Variants in COP1 observed in about 807,000 individuals in gnomAD.
COP1 encodes E3 ubiquitin-protein ligase COP1.
In COP1, 24 loss-of-function variants were observed where a neutral mutation model predicts 101.3. That is an observed-to-expected ratio of 0.24 (90% CI 0.17 to 0.33). The LOEUF is 0.33. Among genes scored for constraint, COP1 ranks in the 10% least tolerant of loss-of-function variants. The probability of loss-of-function intolerance (pLI) is 1.00; values close to 1 mark genes in which losing one functional copy is unlikely to be tolerated. For synonymous variants in COP1, 347 were observed against 341.9 expected, an observed-to-expected ratio of 1.01 and a Z score of -0.17; for missense variants, 663 against 906.2, an observed-to-expected ratio of 0.73 and a Z score of 3.45.
At chr1:175,954,016 C>T (rs964742055) in intron 18 of COP1, among the ~76,000 whole-genome samples, 3 of 152,054 alleles carry the variant, frequency 2.0e-5, no homozygotes, top group Admixed American at 6.6e-5. Context: ...CAAATGCATG[C>T]GTACTAGTCC....
chr1:176,175,516 T>C (rs1329303280), intron 3 of COP1, among the ~76,000 whole-genome samples: 1 of 152,126 alleles, frequency 6.6e-6, no homozygotes, highest in East Asian at 1.9e-4. Context: ...CAGTTCACAA[T>C]CAGGTTCATA....
intron 15 of COP1, among the ~76,000 whole-genome samples, chr1:176,026,278 A>G (rs1667643076): frequency 6.6e-6 from 1 of 152,022 alleles, no homozygotes; most frequent in Non-Finnish European, 1.5e-5. Flanking sequence ...GTATGTTTAT[A>G]AAACAGAACA....
intron 15 of COP1, among the ~76,000 whole-genome samples, chr1:176,010,656 T>A (rs913742854): frequency 3.3e-5 from 5 of 152,232 alleles, no homozygotes; most frequent in African/African-American, 1.2e-4. Context: ...ATTTGATTAC[T>A]TAAATGACCT....
chr1:176,034,397 A>T (rs1376522934), intron 14 of COP1, among the ~76,000 whole-genome samples: 2 of 152,194 alleles, frequency 1.3e-5, no homozygotes, highest in Non-Finnish European at 2.9e-5. Flanking sequence ...TACTCAGAGT[A>T]AAACTCTGTG....
chr1:176,050,401 C>T (rs1672337072), intron 11 of COP1, among the ~76,000 whole-genome samples: 1 of 152,190 alleles, frequency 6.6e-6, no homozygotes. Context: ...TCCAATGTCT[C>T]TCATATCTTT....
At chr1:175,993,919 A>G (rs1454493817) in intron 15 of COP1, among the ~76,000 whole-genome samples, 1 of 152,192 alleles carries the variant, frequency 6.6e-6, no homozygotes, top group Non-Finnish European at 1.5e-5. Context: ...CCTCGAGAAG[A>G]GCAACTCCAA....
chr1:176,131,127 A>T (rs1201245219), intron 8 of COP1, among the ~76,000 whole-genome samples: 5 of 151,826 alleles, frequency 3.3e-5, no homozygotes. Context: ...AAAGCACAAA[A>T]ACAATAGGCT....
intron 15 of COP1, among the ~76,000 whole-genome samples, chr1:175,995,172 A>G (rs151009993): frequency 0.032 from 4,941 of 152,306 alleles, 147 homozygotes; most frequent in Non-Finnish European, 0.045. Context: ...ATGAAGGCAG[A>G]AATAAAGATG....
intron 15 of COP1, among the ~76,000 whole-genome samples, chr1:176,023,969 A>G (rs1051316750): frequency 1.3e-5 from 2 of 151,838 alleles, no homozygotes; most frequent in African/African-American, 4.8e-5. Context: ...ATCATAAGAA[A>G]ACTACAGGCC....
chr1:176,020,087 C>A (rs1666482769), intron 15 of COP1, among the ~76,000 whole-genome samples: 1 of 151,500 alleles, frequency 6.6e-6, no homozygotes, highest in Non-Finnish European at 1.5e-5. Flanking sequence ...GCACTTTGGG[C>A]AGATCACAAG....
intron 18 of COP1, among the ~76,000 whole-genome samples, chr1:175,967,147 C>T (rs765608549): frequency 2.0e-5 from 3 of 152,168 alleles, no homozygotes; most frequent in Non-Finnish European, 2.9e-5. Context: ...AATGCAAAAA[C>T]TGCTCAGGGT....
rs531684415 is a variant in COP1, at chr1:176,187,582, C to T, written c.408-2890G>A. ...TGGCTTTTTAATCACAGTTCTACCC[C>T]ACAGCTTTCAAGAAAAGTGAAATTA... On this transcript the variant is annotated intron_variant, in intron 1 of 19. Transcript: ENST00000367669. 8.5e-5 allele frequency among the ~76,000 whole-genome samples: 13 copies of T among 152,214 alleles called. No individual in the cohort carries two copies. The South Asian group carries it at 1.5e-3, about 17-fold the overall frequency.
chr1:176,195,307 T>C (rs1046801357), intron 1 of COP1, among the ~76,000 whole-genome samples: 4 of 152,224 alleles, frequency 2.6e-5, no homozygotes, highest in Non-Finnish European at 5.9e-5. Flanking sequence ...ACGCTAAATC[T>C]GTGTAAGCTT....
chr1:176,061,622 G>A (rs1275805433), intron 11 of COP1, among the ~76,000 whole-genome samples: 2 of 151,554 alleles, frequency 1.3e-5, no homozygotes, highest in South Asian at 2.1e-4. Flanking sequence ...GTGAAACTCC[G>A]TCTCAAAATA....
chr1:175,974,579 G>A (rs1654042597), intron 18 of COP1, among the ~76,000 whole-genome samples: 1 of 152,052 alleles, frequency 6.6e-6, no homozygotes. Flanking sequence ...TGGTTAAAGG[G>A]GTTGATGGAA....
chr1:175,950,903 A>G (rs1649811770), intron 18 of COP1, among the ~76,000 whole-genome samples: 1 of 152,248 alleles, frequency 6.6e-6, no homozygotes, highest in Non-Finnish European at 1.5e-5. Flanking sequence ...CATCTACTAA[A>G]ATAGTTTTAT....
chr1:175,972,720 C>T (rs1653561634), intron 18 of COP1, among the ~76,000 whole-genome samples: 1 of 152,022 alleles, frequency 6.6e-6, no homozygotes, highest in African/African-American at 2.4e-5. Context: ...CCCGCCTCGA[C>T]CTCCCAAAAT....
At chr1:176,029,659 T>G (rs1057483275) in intron 14 of COP1, among the ~76,000 whole-genome samples, 1 of 152,280 alleles carries the variant, frequency 6.6e-6, no homozygotes, top group East Asian at 1.9e-4. Context: ...GATTCTAACA[T>G]GCATTTGGGG....
chr1:176,085,367 T>C (rs960289411), intron 10 of COP1, among the ~76,000 whole-genome samples: 5 of 152,184 alleles, frequency 3.3e-5, no homozygotes, highest in African/African-American at 1.2e-4. Context: ...TATCTGTTGC[T>C]TTCCCTGACT....
Sources: allele counts gnomAD v4.1 joint callset (sites outside exome capture counted in the v4.1 genomes callset), GRCh38; gene constraint gnomAD v4.1.1; transcripts MANE v1.5; gene names NCBI Gene and HGNC (gene_info 2026-07-23, HGNC 2026-07-21).